The following POU2AF1 variants were observed in gnomAD, a reference collection of about 807,000 sequenced individuals.
POU2AF1 encodes the protein POU domain class 2-associating factor 1.
POU2AF1 carries 12 observed loss-of-function variants against 26.3 expected under a neutral mutation model. The observed-to-expected ratio is 0.46, with a 90% CI of 0.29 to 0.74. The LOEUF is 0.74. Among genes scored for constraint, POU2AF1 ranks in the 30% least tolerant of loss-of-function variants. The probability of loss-of-function intolerance (pLI) is 0.09; values close to 1 mark genes in which losing one functional copy is unlikely to be tolerated. For synonymous variants in POU2AF1, 175 were observed against 148.0 expected, an observed-to-expected ratio of 1.18 and a Z score of -1.32; for missense variants, 297 against 334.5, an observed-to-expected ratio of 0.89 and a Z score of 0.87.
intron 1 of POU2AF1, among the ~76,000 whole-genome samples, chr11:111,368,058 GAGCTTAC>G (rs1861138328): frequency 6.6e-6 from 1 of 152,138 alleles, no homozygotes. Flanking sequence ...TGCCCTCTTG[GAGCTTAC>G]AGTCTAGTCT....
intron 1 of POU2AF1, among the ~76,000 whole-genome samples, chr11:111,377,161 C>G (rs1565369090): frequency 2.0e-5 from 3 of 150,870 alleles, no homozygotes; most frequent in Non-Finnish European, 4.4e-5. Context: ...CACTTGAGTC[C>G]AGGAGTTCGA....
At chr11:111,361,202 AC>A (rs1328682907) in intron 1 of POU2AF1, among the ~76,000 whole-genome samples, 38 of 107,024 alleles carry the variant, frequency 3.6e-4, no homozygotes, top group Non-Finnish European at 8.5e-4. Flanking sequence ...TTGCAGTCTA[AC>A]GGGGAAGACA....
intron 1 of POU2AF1, among the ~76,000 whole-genome samples, chr11:111,367,868 A>G (rs1340523807): frequency 6.6e-6 from 1 of 152,222 alleles, no homozygotes; most frequent in Non-Finnish European, 1.5e-5. Context: ...GACTGAAATG[A>G]CAGCGGACAG....
At chr11:111,377,405 A>G (rs547071944) in intron 1 of POU2AF1, among the ~76,000 whole-genome samples, 3 of 152,210 alleles carry the variant, frequency 2.0e-5, no homozygotes, top group South Asian at 4.2e-4. Context: ...AAACAAAAAA[A>G]GTCTGTTCAT....
chr11:111,373,036 G>A (rs1197071857), intron 1 of POU2AF1, among the ~76,000 whole-genome samples: 1 of 152,216 alleles, frequency 6.6e-6, no homozygotes, highest in East Asian at 1.9e-4. Context: ...CTGGGATGAT[G>A]TTGGCACTGT....
intron 1 of POU2AF1, 77 bp from the exon 2 acceptor site, chr11:111,358,995 G>T: frequency 6.5e-7 from 1 of 1,533,918 alleles, no homozygotes; most frequent in East Asian, 2.3e-5. Flanking sequence ...TTTCCTCATG[G>T]ATCTGCCTGC....
At chr11:111,378,642 G>A (rs6589227) in intron 1 of POU2AF1, among the ~76,000 whole-genome samples, 102,262 of 151,690 alleles carry the variant, frequency 0.67, 35,199 homozygotes, top group Admixed American at 0.77. Flanking sequence ...ACGCTTCACC[G>A]AGCCAGATCT....
intron 1 of POU2AF1, among the ~76,000 whole-genome samples, chr11:111,375,691 A>G (rs1483391558): frequency 6.6e-6 from 1 of 152,028 alleles, no homozygotes; most frequent in Non-Finnish European, 1.5e-5. Context: ...CCGCCACCGC[A>G]CCCGGCCTGA....
rs1042752 is a variant in POU2AF1, at chr11:111,352,386, A to G, written c.*1875T>C. 0.39 allele frequency: 71,978 copies of G among 186,684 alleles called. 15,084 individuals are homozygous for G. Among genetic ancestry groups the G allele is most frequent in the Admixed American group, 0.48 (7,779 of 16,110 alleles). The allele number at this position is 186,684 out of a possible 1,614,324, so 11.6% of individuals were successfully genotyped here. ...CTACCAACTGAAATGTCTGCTTAAT[A>G]GTGACGATGGTGCTATTAGCAGGTG... On this transcript the variant is annotated 3_prime_UTR_variant, in exon 5 of 5. Coordinates refer to ENST00000393067, the MANE Select transcript of POU2AF1 (RefSeq NM_006235.3).
chr11:111,359,218 T>G, intron 1 of POU2AF1: 1 of 425,416 alleles, frequency 2.4e-6, no homozygotes. Context: ...ACACAAACCC[T>G]GTCTCCAACC....
At chr11:111,365,728 G>A (rs923505327) in intron 1 of POU2AF1, among the ~76,000 whole-genome samples, 2 of 152,110 alleles carry the variant, frequency 1.3e-5, no homozygotes, top group African/African-American at 4.8e-5. Flanking sequence ...GCGGTGGCAG[G>A]AGCCTGTAAT....
In POU2AF1 at chr11:111,379,243, G is replaced by A. The variant is rs577454004; in HGVS notation, c.-66C>T. The stretch of plus-strand genomic sequence containing the variant: ...AGTTTGGCTTCTTTAATGTGAGACC[G>A]GGGTGTGTTTTCCTCCAGTGGAGCC... On this transcript the variant is annotated 5_prime_UTR_variant, in exon 1 of 5. Coordinates refer to ENST00000393067, the MANE Select transcript of POU2AF1 (RefSeq NM_006235.3). 158 of 1,604,502 alleles carry A rather than the reference G, an allele frequency of 9.8e-5. No homozygotes were observed. The highest frequency in any genetic ancestry group is 2.9e-4 in the African/African-American group (22 of 74,812).
At chr11:111,374,192 CT>C (rs1312885193) in intron 1 of POU2AF1, among the ~76,000 whole-genome samples, 1 of 129,532 alleles carries the variant, frequency 7.7e-6, no homozygotes, top group Non-Finnish European at 1.6e-5. Flanking sequence ...GCTTTCAAAA[CT>C]TCTGAGTCAG....
chr11:111,364,737 G>A (rs567533517), intron 1 of POU2AF1, among the ~76,000 whole-genome samples: 28 of 152,276 alleles, frequency 1.8e-4, no homozygotes, highest in South Asian at 8.3e-4. Context: ...ATGCATTTCC[G>A]TCCCACCATC....
intron 1 of POU2AF1, among the ~76,000 whole-genome samples, chr11:111,361,180 C>T (rs1468059978): frequency 1.4e-5 from 2 of 144,248 alleles, no homozygotes; most frequent in Non-Finnish European, 3.1e-5. Context: ...GGAGCCCCCG[C>T]CCACGTGGAT....
chr11:111,358,894 G>A lies in POU2AF1; in HGVS notation c.41C>T (p.Ala14Val), dbSNP rs754706847. 5 of 1,606,510 alleles carry A rather than the reference G, an allele frequency of 3.1e-6. No individual in the cohort carries two copies. The highest frequency in any genetic ancestry group is 1.7e-5 in the Admixed American group (1 of 59,972). ...QKPTAPEQAP[A>V]PARPYQGVRV... ...GACGCCCTGGTATGGCCGGGCCGGG[G>A]CTGGGGCTTGCTCCGGAGCTGTGGC... Residue 14 changes from alanine (A) to valine (V), a missense_variant, in exon 2 of 5, where the codon GCC becomes GTC. Coordinates refer to ENST00000393067, the MANE Select transcript of POU2AF1 (RefSeq NM_006235.3).
chr11:111,358,228 C>G (rs115441253), intron 2 of POU2AF1, among the ~76,000 whole-genome samples: 1 of 151,762 alleles, frequency 6.6e-6, no homozygotes, highest in Non-Finnish European at 1.5e-5. Flanking sequence ...GGGACCTGCG[C>G]TCCTTCCTGC....
chr11:111,361,325 C>T (rs755912176), intron 1 of POU2AF1, among the ~76,000 whole-genome samples: 2 of 152,164 alleles, frequency 1.3e-5, no homozygotes, highest in Middle Eastern at 3.2e-3. Context: ...GCCACCTGTG[C>T]GCCTCCACCT....
At chr11:111,358,749 C>T in intron 2 of POU2AF1, 39 bp downstream of exon 2, 2 of 1,540,556 alleles carry the variant, frequency 1.3e-6, no homozygotes, top group Non-Finnish European at 1.7e-6. Flanking sequence ...TTCTCTTTCA[C>T]ACACACACAC....
Sources: gnomAD v4.1 joint callset for allele counts (sites outside exome capture counted in the v4.1 genomes callset) on GRCh38, gnomAD v4.1.1 for gene constraint, MANE v1.5 for transcripts, NCBI Gene and HGNC (gene_info 2026-07-23, HGNC 2026-07-21) for gene names.